CFAP58: variants seen among roughly 807,000 people sequenced by gnomAD.
The protein encoded by CFAP58 is cilia- and flagella-associated protein 58.
Under a neutral mutation model 119.5 loss-of-function variants are expected in CFAP58, and 88 were observed. That is an observed-to-expected ratio of 0.74 (90% confidence interval 0.62 to 0.88). The LOEUF (loss-of-function observed/expected upper bound fraction) is 0.88, where lower values mean the gene tolerates loss of function less well. Ranked by LOEUF, CFAP58 falls within the 40% of genes least tolerant of loss-of-function variation. The pLI, the probability that CFAP58 is intolerant of heterozygous loss-of-function variation, is 0.00. For missense variants in CFAP58, 990 were observed against 1,021.2 expected, an observed-to-expected ratio of 0.97 and a Z score of 0.42; for synonymous variants, 365 against 366.3, an observed-to-expected ratio of 1.00 and a Z score of 0.04.
intron 15 of CFAP58, among the ~76,000 whole-genome samples, chr10:104,415,512 A>G (rs1269460343): frequency 6.6e-6 from 1 of 152,142 alleles, no homozygotes; most frequent in East Asian, 1.9e-4. Context: ...CCCTGGCCTG[A>G]GGCGGAAACG....
chr10:104,399,601 C>A, intron 12 of CFAP58, 101 bp downstream of exon 12: 2 of 1,236,918 alleles, frequency 1.6e-6, no homozygotes, highest in South Asian at 1.5e-5. Context: ...TTCCAACCAG[C>A]CCTATTGGAA....
At chr10:104,357,865 ATACACATAT>A (rs2014577812) in intron 1 of CFAP58, among the ~76,000 whole-genome samples, 2 of 106,196 alleles carry the variant, frequency 1.9e-5, no homozygotes, top group South Asian at 5.7e-4. Context: ...ATACACATAT[ATACACATAT>A]ATGTACACAT....
chr10:104,399,486 A>G lies in CFAP58; in HGVS notation c.1801A>G (p.Lys601Glu), dbSNP rs775800112. Residue 601 changes from lysine to glutamate, a missense_variant, in exon 12 of 18, where the codon AAG becomes GAG. By Grantham distance (56) the Lys-to-Glu change is moderately conservative. Transcript: ENST00000369704. ...EADGERLRQK[K>E]ELDQVISERD... The stretch of plus-strand genomic sequence containing the variant: ...TGACGGGGAGAGGTTGAGACAGAAG[A>G]AGGAATTAGACCAGGTAGAGCATCT... 6.2e-7 allele frequency: 1 copy of G among 1,613,618 alleles called. No homozygotes were observed. Among genetic ancestry groups the G allele is most frequent in the East Asian group, 2.2e-5 (1 of 44,858 alleles).
chr10:104,409,383 T>C (rs887874120), intron 15 of CFAP58, among the ~76,000 whole-genome samples: 3 of 152,216 alleles, frequency 2.0e-5, no homozygotes, highest in African/African-American at 7.2e-5. Flanking sequence ...TTCTTTGGAA[T>C]TTGTTGAACT....
intron 15 of CFAP58, among the ~76,000 whole-genome samples, chr10:104,423,544 GTTT>G (rs33943621): frequency 6.8e-6 from 1 of 146,030 alleles, no homozygotes. Flanking sequence ...TTAAACAGGA[GTTT>G]TTTTTTTTTT....
At chr10:104,363,632 A>G (rs1477065897) in intron 3 of CFAP58, among the ~76,000 whole-genome samples, 3 of 152,142 alleles carry the variant, frequency 2.0e-5, no homozygotes, top group Non-Finnish European at 4.4e-5. Context: ...TCCAGCCAAT[A>G]ATTTTATCTT....
intron 15 of CFAP58, among the ~76,000 whole-genome samples, chr10:104,444,447 A>G (rs1446014443): frequency 6.6e-6 from 1 of 152,212 alleles, no homozygotes; most frequent in African/African-American, 2.4e-5. Context: ...TTCTCTTTAT[A>G]ATAGAATTGC....
chr10:104,350,955 G>A (rs2014452629), upstream of CFAP58, among the ~76,000 whole-genome samples: 1 of 152,198 alleles, frequency 6.6e-6, no homozygotes, highest in Non-Finnish European at 1.5e-5. Context: ...CCCTGCACTT[G>A]ACATCAGTGC....
chr10:104,449,193 C>T (rs1448190647), intron 16 of CFAP58, among the ~76,000 whole-genome samples: 2 of 147,640 alleles, frequency 1.4e-5, no homozygotes, highest in Non-Finnish European at 3.0e-5. Flanking sequence ...ATGAAAATTA[C>T]GTTCTTTAGC....
chr10:104,360,423 A>C (rs1052807656), intron 2 of CFAP58, among the ~76,000 whole-genome samples: 3 of 151,650 alleles, frequency 2.0e-5, no homozygotes, highest in Non-Finnish European at 4.4e-5. Context: ...AAAGTGGAGC[A>C]GACACTTCAC....
chr10:104,355,071 C>T (rs1036262536), intron 1 of CFAP58, among the ~76,000 whole-genome samples: 2 of 152,218 alleles, frequency 1.3e-5, no homozygotes, highest in African/African-American at 2.4e-5. Flanking sequence ...ATCTTCCTCA[C>T]GCCTGGGCTC....
intron 11 of CFAP58, among the ~76,000 whole-genome samples, chr10:104,396,449 A>G (rs1471101122): frequency 3.1e-5 from 4 of 129,020 alleles, no homozygotes; most frequent in South Asian, 2.4e-4. Flanking sequence ...AAAGAGAGAG[A>G]GAGAAAGAAA....
intron 15 of CFAP58, among the ~76,000 whole-genome samples, chr10:104,424,852 AGAG>A: frequency 6.6e-6 from 1 of 152,336 alleles, no homozygotes; most frequent in Non-Finnish European, 1.5e-5. Context: ...TCAAGGACAA[AGAG>A]GACATGTTTG....
intron 15 of CFAP58, among the ~76,000 whole-genome samples, chr10:104,428,453 T>C (rs992395030): frequency 3.9e-5 from 6 of 152,218 alleles, no homozygotes; most frequent in South Asian, 2.1e-4. Flanking sequence ...AAATACATTC[T>C]TGTAAAAGAT....
intron 15 of CFAP58, among the ~76,000 whole-genome samples, chr10:104,439,303 T>C (rs774543689): frequency 6.6e-6 from 1 of 152,196 alleles, no homozygotes; most frequent in Non-Finnish European, 1.5e-5. Flanking sequence ...GTATGATTTT[T>C]ACATAATAAA....
chr10:104,357,490 A>AC (rs745346226), intron 1 of CFAP58, among the ~76,000 whole-genome samples: 5 of 151,906 alleles, frequency 3.3e-5, no homozygotes, highest in African/African-American at 1.2e-4. Flanking sequence ...CACCGTGGCC[A>AC]CCCCCCGCTG....
intron 5 of CFAP58, 128 bp downstream of exon 5, chr10:104,366,136 T>C: frequency 1.2e-6 from 1 of 849,016 alleles, no homozygotes; most frequent in Non-Finnish European, 1.8e-6. Context: ...GCTGATGATG[T>C]AAAACTTAGC....
intron 8 of CFAP58, among the ~76,000 whole-genome samples, chr10:104,378,639 T>A (rs1178435341): frequency 6.6e-6 from 1 of 152,196 alleles, no homozygotes; most frequent in Non-Finnish European, 1.5e-5. Flanking sequence ...AGATTGTCAC[T>A]GTCTCTCTCG....
chr10:104,383,782 A>ACT (rs1022474780), intron 9 of CFAP58, among the ~76,000 whole-genome samples: 9 of 151,178 alleles, frequency 6.0e-5, no homozygotes, highest in African/African-American at 2.0e-4. Context: ...ACACACACAC[A>ACT]CTCATTCTCA....
Sources: allele counts gnomAD v4.1 joint callset (sites outside exome capture counted in the v4.1 genomes callset), GRCh38; gene constraint gnomAD v4.1.1; transcripts MANE v1.5; gene names NCBI Gene and HGNC (gene_info 2026-07-23, HGNC 2026-07-21).